Variants in L1TD1 observed in about 807,000 individuals in gnomAD.
L1TD1 encodes LINE1 type transposase domain containing 1, also known as LINE-1 type transposase domain-containing protein 1.
Under a neutral mutation model 25.7 loss-of-function variants are expected in L1TD1, and 26 were observed. The observed-to-expected ratio is 1.01, with a 90% confidence interval of 0.74 to 1.40. L1TD1 has a LOEUF of 1.40. Ranked by LOEUF, L1TD1 falls within the 40% of genes most tolerant of loss-of-function variation. The probability of loss-of-function intolerance (pLI) is 0.00; values close to 1 mark genes in which losing one functional copy is unlikely to be tolerated. For missense variants in L1TD1, 1,130 were observed against 975.0 expected (o/e 1.16, Z -2.12); for synonymous variants, 421 against 335.6 (o/e 1.25, Z -2.78).
chr1:62,200,581 C>T (rs1670622869), intron 2 of L1TD1, among the ~76,000 whole-genome samples: 1 of 152,058 alleles, frequency 6.6e-6, no homozygotes, highest in African/African-American at 2.4e-5. Flanking sequence ...ATTTGTTCCA[C>T]CCTTCTCTTA....
Position 62,211,276 on chromosome 1 carries a change from G to C in L1TD1, c.2502G>C (p.Arg834Ser), listed in dbSNP as rs752417164. ...CAGCCAAAATGGCATTTGATTTTAGGGGTAAAACAAAGGTATTTCTTAGTA... is the reference window on the plus strand; with the variant it reads ...CAGCCAAAATGGCATTTGATTTTAGCGGTAAAACAAAGGTATTTCTTAGTA... ...LYPAKMAFDF[R>S]GKTKVFLSIE... The change falls in exon 4 of 4, where the codon AGG (arginine) becomes AGC (serine). Residue 834 changes from arginine (R) to serine (S), a missense_variant. Arg to Ser is a moderately radical substitution (Grantham distance 110, BLOSUM62 -1). Coordinates refer to ENST00000498273, the MANE Select transcript of L1TD1 (RefSeq NM_019079.5). The C allele has an allele frequency of 1.2e-6, 2 of 1,611,026 alleles. No homozygotes were observed. Among genetic ancestry groups the C allele is most frequent in the Non-Finnish European group, 1.7e-6 (2 of 1,178,316 alleles).
chr1:62,207,526 A>G lies in L1TD1; in HGVS notation c.898A>G (p.Arg300Gly). The change falls in exon 3 of 4, where the codon AGA becomes GGA. Residue 300 changes from arginine (R) to glycine (G), a missense_variant. By Grantham distance (125) the Arg-to-Gly change is moderately radical. Transcript: ENST00000498273. ...GACATTTTCAGATCTGCAAAGCCTT[A>G]GAAAATTTGCCAGCCAAAAATCTTC... The part of the protein sequence containing the change: ...IKTFSDLQSL[R>G]KFASQKSSVK... The G allele has an allele frequency of 1.3e-6, 2 of 1,551,564 alleles. No homozygotes were observed. Among genetic ancestry groups the G allele is most frequent in the Non-Finnish European group, 1.7e-6 (2 of 1,146,924 alleles).
rs769333010 is a variant in L1TD1, at chr1:62,207,639, A to G, written c.1008+3A>G. 4 of 1,523,108 alleles carry G rather than the reference A, an allele frequency of 2.6e-6. No homozygotes were observed. In the South Asian group the frequency reaches 3.8e-5, roughly 14 times the overall value. 94.3% of individuals were successfully genotyped at this position (1,523,108 alleles called of 1,614,324 possible). A position where few individuals can be genotyped will look rare whatever the true frequency, so the allele number is the denominator to read the frequency against. On this transcript the variant is annotated splice_donor_region_variant and intron_variant, in intron 3 of 3. Transcript: ENST00000498273. ...AATATGGAATTCAAGAAAAAAGGGTAAGCATACAAATGTATAAATGTATAA... is the reference window on the plus strand; with the variant it reads ...AATATGGAATTCAAGAAAAAAGGGTGAGCATACAAATGTATAAATGTATAA...
At chr1:62,207,767 C>CAGTG in intron 3 of L1TD1, 131 bp downstream of exon 3, 1 of 1,134,622 alleles carries the variant, frequency 8.8e-7, no homozygotes, top group Non-Finnish European at 1.2e-6. Context: ...GGTGGGAGTG[C>CAGTG]AGTGGCACGA....
chr1:62,201,575 C>T (rs996295148), intron 2 of L1TD1, among the ~76,000 whole-genome samples: 1 of 151,202 alleles, frequency 6.6e-6, no homozygotes, highest in Non-Finnish European at 1.5e-5. Context: ...CAAATATTTT[C>T]CCCCATTTGT....
At chr1:62,197,645 G>A (rs1042825080) in intron 2 of L1TD1, among the ~76,000 whole-genome samples, 1 of 151,916 alleles carries the variant, frequency 6.6e-6, no homozygotes, top group Non-Finnish European at 1.5e-5. Flanking sequence ...TTGGGAGGCC[G>A]AGGTGGGCGG....
Position 62,210,826 on chromosome 1 carries a change from A to C in L1TD1, c.2052A>C (p.Ile684=). The part of the protein sequence containing the change: ...SKDTMQMTKQ[I]ISKERQRDIE... ...ATACAATGCAAATGACCAAACAGAT[A>C]ATTAGTAAAGAAAGGCAAAGAGATA... is the stretch of plus-strand genomic sequence containing the variant. The change falls in exon 4 of 4, where the codon ATA becomes ATC. Residue 684 remains isoleucine, a synonymous_variant. Coordinates refer to ENST00000498273, the MANE Select transcript of L1TD1 (RefSeq NM_019079.5). The C allele has an allele frequency of 6.5e-7, 1 of 1,549,300 alleles. No individual in the cohort carries two copies. Among genetic ancestry groups the C allele is most frequent in the Non-Finnish European group, 8.7e-7 (1 of 1,146,496 alleles).
chr1:62,198,458 A>G (rs532518449), intron 2 of L1TD1, among the ~76,000 whole-genome samples: 58 of 151,962 alleles, frequency 3.8e-4, no homozygotes, highest in South Asian at 2.9e-3. Context: ...AAAAAAAAAA[A>G]AAGAAGAAAA....
In L1TD1 at chr1:62,202,747, G is replaced by A. The variant is rs1012287607; in HGVS notation, c.-110-3772G>A. 5.0e-5 allele frequency among the ~76,000 whole-genome samples: 7 copies of A among 139,940 alleles called. No individual in the cohort carries two copies. In the East Asian group the frequency reaches 6.4e-4, roughly 13 times the overall value. 91.8% of individuals were successfully genotyped at this position (139,940 alleles called of 152,430 possible). On this transcript the variant is annotated intron_variant, in intron 2 of 3. Transcript: ENST00000498273. ...TCGCCCAGGCTGGAGGCAATGGCAC[G>A]ATCCCAGCTCACTGCAACCTCCGCC...
rs1174432434 is a variant in L1TD1 at position 62,207,409 on chromosome 1, A to T, written c.781A>T (p.Ser261Cys). ...AACACTGGATATTAGTAAGCAATGG[A>T]GTAATGTCTTCAACATTCTGAGAGA... is the stretch of plus-strand genomic sequence containing the variant. The part of the protein sequence containing the change: ...SATLDISKQW[S>C]NVFNILREND... Residue 261 changes from serine to cysteine, a missense_variant, in exon 3 of 4, where the codon AGT (serine) becomes TGT (cysteine). Ser to Cys is a moderately radical substitution (Grantham distance 112). Transcript: ENST00000498273. The T allele has an allele frequency of 1.9e-6, 3 of 1,551,390 alleles. No homozygotes were observed. Among genetic ancestry groups the T allele is most frequent in the Non-Finnish European group, 2.6e-6 (3 of 1,146,852 alleles).
Position 62,210,624 on chromosome 1 carries a change from T to C in L1TD1, c.1850T>C (p.Leu617Ser), listed in dbSNP as rs1670847625. The change falls in exon 4 of 4, where the codon TTG becomes TCG. Residue 617 changes from leucine (L) to serine (S), a missense_variant. Coordinates refer to ENST00000498273, the MANE Select transcript of L1TD1 (RefSeq NM_019079.5). ...TTAACAGAGGAAACAGAAGAAAACT[T>C]GAGAAGTAGTGTGATTAATAGCATC... The part of the protein sequence containing the change: ...ADLTEETEEN[L>S]RSSVINSIRE... The C allele has an allele frequency of 1.3e-6, 2 of 1,594,520 alleles. No homozygotes were observed. The highest frequency in any genetic ancestry group is 1.4e-5 in the African/African-American group (1 of 73,938).
chr1:62,203,382 A>G (rs1371411475), intron 2 of L1TD1, among the ~76,000 whole-genome samples: 1 of 151,382 alleles, frequency 6.6e-6, no homozygotes, highest in Non-Finnish European at 1.5e-5. Context: ...CCCTACATCC[A>G]CCCACCTACT....
chr1:62,201,281 T>A (rs1402855877), intron 2 of L1TD1, among the ~76,000 whole-genome samples: 1 of 152,118 alleles, frequency 6.6e-6, no homozygotes, highest in Non-Finnish European at 1.5e-5. Context: ...ACAATTGTTA[T>A]CAGAAAAATT....
Position 62,210,540 on chromosome 1 carries a change from CAGA to C in L1TD1, c.1771_1773del (p.Glu591del), listed in dbSNP as rs753974080. 34 of 1,612,666 alleles carry C rather than the reference CAGA, an allele frequency of 2.1e-5. No individual in the cohort carries two copies. Among genetic ancestry groups the C allele is most frequent in the Non-Finnish European group, 2.7e-5 (32 of 1,179,720 alleles). On this transcript the variant is annotated inframe_deletion, in exon 4 of 4. Coordinates refer to ENST00000498273, the MANE Select transcript of L1TD1 (RefSeq NM_019079.5). ...ACAGGAGTCACCAAACTTAAGAAAA[CAGA>C]AGAAAAGAAACACAGAACTCTGCAC...
chr1:62,207,355 C>G lies in L1TD1; in HGVS notation c.727C>G (p.Leu243Val), dbSNP rs1045408153. The change falls in exon 3 of 4, where the codon CTT (leucine) becomes GTT (valine). Residue 243 changes from leucine (L) to valine (V), a missense_variant. Leu to Val is a conservative substitution (Grantham distance 32). Coordinates refer to ENST00000498273, the MANE Select transcript of L1TD1 (RefSeq NM_019079.5). ...AGTGTTGATGGATGAAGGAGCAGTA[C>G]TTACCCTGGTAGCCGACCTTTCATC... ...EKVLMDEGAV[L>V]TLVADLSSAT... 3 of 1,551,464 alleles carry G rather than the reference C, an allele frequency of 1.9e-6. No individual in the cohort carries two copies. In the African/African-American group the frequency reaches 4.1e-5, roughly 21 times the overall value.
At position 62,210,208 on chromosome 1, in the gene L1TD1, AGAG is replaced by A; in HGVS notation, c.1440_1442del (p.Glu483del). On this transcript the variant is annotated inframe_deletion, in exon 4 of 4. Transcript: ENST00000498273. The stretch of plus-strand genomic sequence containing the variant: ...TTGACTCTGTAGAGGATTCTGAATC[AGAG>A]GAGGAAGAAGAAGGAAAGAGCTCTG... 6.2e-7 allele frequency: 1 copy of A among 1,613,828 alleles called. No individual in the cohort carries two copies. The highest frequency in any genetic ancestry group is 8.5e-7 in the Non-Finnish European group (1 of 1,179,886).
intron 2 of L1TD1, among the ~76,000 whole-genome samples, chr1:62,200,122 A>G (rs1470535794): frequency 6.6e-6 from 1 of 152,152 alleles, no homozygotes; most frequent in Non-Finnish European, 1.5e-5. Flanking sequence ...TATTGTATGC[A>G]CCATATAGAG....
rs1217125072 is a variant in L1TD1 at position 62,206,796 on chromosome 1, G to T, written c.168G>T (p.Lys56Asn). The change falls in exon 3 of 4, where the codon AAG (lysine) becomes AAT (asparagine). Residue 56 changes from lysine to asparagine, a missense_variant. Transcript: ENST00000498273. ...KDVSAIMNKFKVLMEIQDLMF... is the reference protein window; with the variant it reads ...KDVSAIMNKFNVLMEIQDLMF... ...TATCAGCAATTATGAATAAGTTTAA[G>T]GTCTTAATGGAAATTCAAGACCTGA... 1 of 1,582,478 alleles carries T rather than the reference G, an allele frequency of 6.3e-7. No homozygotes were observed. Among genetic ancestry groups the T allele is most frequent in the Non-Finnish European group, 8.6e-7 (1 of 1,162,158 alleles).
Position 62,211,449 on chromosome 1 carries a change from C to A in L1TD1, c.*77C>A. On this transcript the variant is annotated 3_prime_UTR_variant, in exon 4 of 4. Coordinates refer to ENST00000498273, the MANE Select transcript of L1TD1 (RefSeq NM_019079.5). The stretch of plus-strand genomic sequence containing the variant: ...AAAATCAACAAGTAAAACGAAAATA[C>A]ACTTCTACCCAGAAGGATGGACAGC... 6.6e-7 allele frequency: 1 copy of A among 1,513,404 alleles called. No individual in the cohort carries two copies. The highest frequency in any genetic ancestry group is 2.4e-4 in the Middle Eastern group (1 of 4,194). The allele number at this position is 1,513,404 out of a possible 1,614,324, so 93.7% of individuals were successfully genotyped here. A position where few individuals can be genotyped will look rare whatever the true frequency, so the allele number is the denominator to read the frequency against.
Sources: gnomAD v4.1 joint callset for allele counts (sites outside exome capture counted in the v4.1 genomes callset) on GRCh38, gnomAD v4.1.1 for gene constraint, MANE v1.5 for transcripts, NCBI Gene and HGNC (gene_info 2026-07-23, HGNC 2026-07-21) for gene names.